Variants in PKD1L1 observed in about 807,000 individuals in gnomAD.
PKD1L1 encodes the protein polycystin 1 like 1, transient receptor potential channel interacting.
In PKD1L1, 236 loss-of-function variants were observed where a neutral mutation model predicts 323.4. The ratio of observed to expected loss-of-function variants is 0.73; its 90% confidence interval spans 0.66 to 0.81. The LOEUF is 0.81. Ranked by LOEUF, PKD1L1 falls within the 40% of genes least tolerant of loss-of-function variation. PKD1L1 has a pLI of 0.00. For synonymous variants in PKD1L1, 1,344 were observed against 1,335.0 expected (o/e 1.01, Z -0.15); for missense variants, 3,320 against 3,508.0 (o/e 0.95, Z 1.35).
rs972684590 is a variant in PKD1L1 at position 47,877,639 on chromosome 7, G to C, written c.3521-8C>G. 1 of 1,612,980 alleles carries C rather than the reference G, an allele frequency of 6.2e-7. No homozygotes were observed. The highest frequency in any genetic ancestry group is 8.5e-7 in the Non-Finnish European group (1 of 1,179,342). On this transcript the variant is annotated splice_region_variant and splice_polypyrimidine_tract_variant and intron_variant, in intron 21 of 56. Coordinates refer to ENST00000289672, the MANE Select transcript of PKD1L1 (RefSeq NM_138295.5). ...GTAAGCCATGCTTCGAAGCTAAAGA[G>C]AAAGATGAAGCAGCGGTTTCACCCA... is the stretch of plus-strand genomic sequence containing the variant.
At chr7:47,800,058 G>A (rs547099743) in intron 54 of PKD1L1, among the ~76,000 whole-genome samples, 1 of 152,316 alleles carries the variant, frequency 6.6e-6, no homozygotes, top group South Asian at 2.1e-4. Context: ...AACTGTAACT[G>A]GGTTCCAGTT....
At chr7:47,782,337 A>C (rs758365284) in intron 56 of PKD1L1, among the ~76,000 whole-genome samples, 9 of 152,308 alleles carry the variant, frequency 5.9e-5, no homozygotes, top group African/African-American at 7.2e-5. Context: ...TCAAAAAAAA[A>C]CCACAGTAAC....
chr7:47,813,941 T>C lies in PKD1L1; in HGVS notation c.7163A>G (p.His2388Arg). ...VIRQLKVFPR[H>R]LCKPPRPFSA... ...AAAGGAACATCTTACCTTGCATAAATGCCTAGGAAAAACTTTTAGCTGCCT... is the reference window on the plus strand; with the variant it reads ...AAAGGAACATCTTACCTTGCATAAACGCCTAGGAAAAACTTTTAGCTGCCT... Residue 2388 changes from histidine to arginine, a missense_variant, in exon 48 of 57, where the codon CAT (histidine) becomes CGT (arginine). His to Arg is a conservative substitution (Grantham distance 29). Coordinates refer to ENST00000289672, the MANE Select transcript of PKD1L1 (RefSeq NM_138295.5). 1.2e-6 allele frequency: 2 copies of C among 1,613,622 alleles called. No homozygotes were observed. Among genetic ancestry groups the C allele is most frequent in the Non-Finnish European group, 1.7e-6 (2 of 1,179,552 alleles).
chr7:47,796,482 C>T (rs2128724643), intron 54 of PKD1L1, among the ~76,000 whole-genome samples: 1 of 152,256 alleles, frequency 6.6e-6, no homozygotes, highest in South Asian at 2.1e-4. Context: ...CCCTGGTGAA[C>T]CATTCTGAGC....
At chr7:47,940,828 G>A (rs1419693234) in intron 2 of PKD1L1, among the ~76,000 whole-genome samples, 1 of 152,204 alleles carries the variant, frequency 6.6e-6, no homozygotes, top group East Asian at 1.9e-4. Context: ...TCTGAGGGCT[G>A]AAGGCCGGGC....
At chr7:47,814,868 G>C (rs1018241375) in intron 47 of PKD1L1, among the ~76,000 whole-genome samples, 2 of 152,220 alleles carry the variant, frequency 1.3e-5, no homozygotes, top group African/African-American at 4.8e-5. Flanking sequence ...CAAGGAATGG[G>C]ATTATGCAAA....
chr7:47,823,611 C>A (rs1159164072), intron 45 of PKD1L1, among the ~76,000 whole-genome samples: 1 of 152,098 alleles, frequency 6.6e-6, no homozygotes, highest in Non-Finnish European at 1.5e-5. Flanking sequence ...TGGTGTTTTC[C>A]CACGAGGAAA....
At chr7:47,831,749 C>A (rs2128735504) in intron 41 of PKD1L1, among the ~76,000 whole-genome samples, 1 of 152,314 alleles carries the variant, frequency 6.6e-6, no homozygotes, top group East Asian at 1.9e-4. Flanking sequence ...TTTTGGGGAT[C>A]TCCTCTTCTG....
At chr7:47,777,824 C>G (rs1000400174) in intron 56 of PKD1L1, among the ~76,000 whole-genome samples, 1 of 152,168 alleles carries the variant, frequency 6.6e-6, no homozygotes, top group Non-Finnish European at 1.5e-5. Flanking sequence ...AATCTTGCTC[C>G]AGGTATCACT....
At chr7:47,823,592 C>T (rs1273719645) in intron 45 of PKD1L1, among the ~76,000 whole-genome samples, 1 of 152,154 alleles carries the variant, frequency 6.6e-6, no homozygotes, top group East Asian at 1.9e-4. Flanking sequence ...TAGGTTGCCT[C>T]ATAGATGATG....
rs1787764181 is a variant in PKD1L1 at position 47,931,182 on chromosome 7, T to C, written c.659A>G (p.Lys220Arg). The change falls in exon 6 of 57, where the codon AAG (lysine) becomes AGG (arginine). Residue 220 changes from lysine to arginine, a missense_variant. Transcript: ENST00000289672. ...PGTVTMETPT[K>R]VARPTQTSSQ... ...GCTGGTCTGAGTGGGTCTGGCCACC[T>C]TGGTGGGGGTCTCCATCGTGACAGT... 1 of 1,614,166 alleles carries C rather than the reference T, an allele frequency of 6.2e-7. No individual in the cohort carries two copies. The highest frequency in any genetic ancestry group is 1.3e-5 in the African/African-American group (1 of 75,030).
upstream of PKD1L1, among the ~76,000 whole-genome samples, chr7:47,950,692 G>A (rs1788191777): frequency 1.3e-5 from 2 of 150,420 alleles, no homozygotes; most frequent in Non-Finnish European, 2.9e-5. Flanking sequence ...CCTGGGCAAT[G>A]AGCGAAACTC....
At chr7:47,805,340 T>C (rs1330019203) in intron 52 of PKD1L1, among the ~76,000 whole-genome samples, 1 of 152,268 alleles carries the variant, frequency 6.6e-6, no homozygotes, top group Non-Finnish European at 1.5e-5. Context: ...AAGTCATTTG[T>C]GTTTATCTTG....
At chr7:47,803,093 G>T in intron 53 of PKD1L1, 117 bp downstream of exon 53, 1 of 1,287,664 alleles carries the variant, frequency 7.8e-7, no homozygotes, top group Non-Finnish European at 1.1e-6. Context: ...TAGAAGACTG[G>T]AATTCTAGAC....
At chr7:47,867,718 A>G (rs1001774162) in intron 24 of PKD1L1, among the ~76,000 whole-genome samples, 3 of 152,196 alleles carry the variant, frequency 2.0e-5, no homozygotes, top group African/African-American at 7.2e-5. Flanking sequence ...AGGAAGTTAG[A>G]ACAATGTTTA....
chr7:47,872,149 T>C lies in PKD1L1; in HGVS notation c.3896+1750A>G, dbSNP rs554374937. On this transcript the variant is annotated intron_variant, in intron 24 of 56. Coordinates refer to ENST00000289672, the MANE Select transcript of PKD1L1 (RefSeq NM_138295.5). Reference sequence around the variant, plus strand: ...TCCCTATGAAAATCCCAGTTAGCTTTTGTTTTGTTTTGTTTTTCTACCCCC... The same window carrying C: ...TCCCTATGAAAATCCCAGTTAGCTTCTGTTTTGTTTTGTTTTTCTACCCCC... 5.9e-5 allele frequency among the ~76,000 whole-genome samples: 9 copies of C among 152,310 alleles called. No individual in the cohort carries two copies. In the South Asian group the frequency reaches 1.9e-3, roughly 32 times the overall value.
intron 7 of PKD1L1, among the ~76,000 whole-genome samples, chr7:47,924,076 C>T (rs148507378): frequency 9.9e-4 from 151 of 152,060 alleles, no homozygotes; most frequent in African/African-American, 3.5e-3. Flanking sequence ...TTCTTTCCCA[C>T]TGCCCTGAAA....
chr7:47,922,452 G>A (rs143715679), intron 7 of PKD1L1, among the ~76,000 whole-genome samples: 68,596 of 151,006 alleles, frequency 0.45, 16,157 homozygotes, highest in Admixed American at 0.51. Context: ...CCGTCATCCC[G>A]TCTAGGAAGT....
At chr7:47,849,637 C>T (rs143536585) in intron 31 of PKD1L1, among the ~76,000 whole-genome samples, 172 of 152,240 alleles carry the variant, frequency 1.1e-3, no homozygotes, top group African/African-American at 3.9e-3. Context: ...CAATGAGATA[C>T]CATCTTACTC....
Sources: gnomAD v4.1 joint callset for allele counts (sites outside exome capture counted in the v4.1 genomes callset) on GRCh38, gnomAD v4.1.1 for gene constraint, MANE v1.5 for transcripts, NCBI Gene and HGNC (gene_info 2026-07-23, HGNC 2026-07-21) for gene names.